Variants in GRIK1 observed in about 807,000 individuals in gnomAD.
GRIK1 encodes glutamate receptor ionotropic, kainate 1.
A neutral mutation model predicts 105.7 loss-of-function variants in GRIK1; 69 were observed. The observed-to-expected ratio is 0.65, with a 90% CI of 0.54 to 0.80. GRIK1 has a LOEUF of 0.80. Ranked by LOEUF, GRIK1 falls within the 30% of genes least tolerant of loss-of-function variation. The pLI, the probability that GRIK1 is intolerant of heterozygous loss-of-function variation, is 0.00. For missense variants in GRIK1, 1,109 were observed against 1,167.3 expected (o/e 0.95, Z 0.73); for synonymous variants, 438 against 431.3 (o/e 1.02, Z -0.19).
At chr21:29,930,887 T>A (rs1029979274) in intron 1 of GRIK1, among the ~76,000 whole-genome samples, 1 of 152,230 alleles carries the variant, frequency 6.6e-6, no homozygotes, top group African/African-American at 2.4e-5. Context: ...GAACGAGACT[T>A]TTTCCTTTTT....
At chr21:29,929,812 C>T (rs1346448282) in intron 1 of GRIK1, among the ~76,000 whole-genome samples, 4 of 152,174 alleles carry the variant, frequency 2.6e-5, no homozygotes, top group Non-Finnish European at 4.4e-5. Flanking sequence ...AATCACACTT[C>T]TAGGTATATA....
At chr21:29,747,580 C>T (rs1288868551) in intron 1 of GRIK1, among the ~76,000 whole-genome samples, 5 of 152,152 alleles carry the variant, frequency 3.3e-5, no homozygotes, top group African/African-American at 1.2e-4. Context: ...CCTATAATCC[C>T]AGCACTTTGG....
chr21:29,555,140 A>G lies in GRIK1; in HGVS notation c.2519T>C (p.Ile840Thr). The change falls in exon 16 of 18, where the codon ATT becomes ACT. Residue 840 changes from isoleucine to threonine, a missense_variant. Coordinates refer to ENST00000327783, the MANE Select transcript of GRIK1 (RefSeq NM_001330994.2). Reference protein sequence around the residue: ...LGVENIGGIFIVLAAGLVLSV... With the variant: ...LGVENIGGIFTVLAAGLVLSV... ...AAGGACCAGTCCGGCAGCCAGAACA[A>G]TGAAGATGCCTCCAATATTTTCCAC... The G allele has an allele frequency of 6.2e-7, 1 of 1,613,876 alleles. No individual in the cohort carries two copies. The highest frequency in any genetic ancestry group is 8.5e-7 in the Non-Finnish European group (1 of 1,179,786).
chr21:29,873,688 A>G (rs1037999289), intron 1 of GRIK1, among the ~76,000 whole-genome samples: 1 of 152,176 alleles, frequency 6.6e-6, no homozygotes, highest in African/African-American at 2.4e-5. Flanking sequence ...GAAAATATTG[A>G]TCTAGTTTAT....
At chr21:29,807,574 A>G (rs1045739847) in intron 1 of GRIK1, among the ~76,000 whole-genome samples, 5 of 152,098 alleles carry the variant, frequency 3.3e-5, no homozygotes, top group Admixed American at 6.6e-5. Flanking sequence ...TTATTCTAAG[A>G]TAGAGGATCT....
chr21:29,631,984 GA>G (rs35815638), intron 7 of GRIK1, among the ~76,000 whole-genome samples: 43 of 147,824 alleles, frequency 2.9e-4, no homozygotes, highest in Non-Finnish European at 4.2e-4. Flanking sequence ...GAATGTGCAG[GA>G]AAAAAAAAAG....
chr21:29,559,603 T>G (rs1290402240), intron 15 of GRIK1, among the ~76,000 whole-genome samples: 3 of 152,206 alleles, frequency 2.0e-5, no homozygotes, highest in Non-Finnish European at 2.9e-5. Context: ...TAAAGTTAAT[T>G]TCTCCATAGC....
At chr21:29,709,580 T>C (rs1012111984) in intron 1 of GRIK1, among the ~76,000 whole-genome samples, 9 of 152,114 alleles carry the variant, frequency 5.9e-5, no homozygotes, top group African/African-American at 2.2e-4. Flanking sequence ...AACTTATAAA[T>C]ATATGGGGAA....
At chr21:29,698,438 G>A (rs1444343096) in intron 1 of GRIK1, among the ~76,000 whole-genome samples, 1 of 152,162 alleles carries the variant, frequency 6.6e-6, no homozygotes, top group Non-Finnish European at 1.5e-5. Context: ...TGAGAGCTCA[G>A]GATGAAGAAC....
At chr21:29,564,941 T>C (rs752267980) in intron 14 of GRIK1, among the ~76,000 whole-genome samples, 1 of 152,246 alleles carries the variant, frequency 6.6e-6, no homozygotes, top group Non-Finnish European at 1.5e-5. Context: ...CATGGCTCTA[T>C]GGAACAGAGA....
At chr21:29,599,319 T>C (rs905294391) in intron 7 of GRIK1, among the ~76,000 whole-genome samples, 4 of 152,230 alleles carry the variant, frequency 2.6e-5, no homozygotes, top group African/African-American at 9.6e-5. Flanking sequence ...TCCCTGCTTT[T>C]TCTTTCTCTG....
chr21:29,591,264 A>G (rs1223372055), intron 9 of GRIK1, 39 bp from the exon 10 acceptor site: 2 of 1,206,772 alleles, frequency 1.7e-6, no homozygotes, highest in Admixed American at 3.4e-5. Context: ...GCTGGCTGTC[A>G]GTGTGGCATT....
At chr21:29,614,143 C>G (rs363443) in intron 7 of GRIK1, among the ~76,000 whole-genome samples, 1 of 151,810 alleles carries the variant, frequency 6.6e-6, no homozygotes. Flanking sequence ...GATAGATTCC[C>G]TGGCACAACC....
At chr21:29,705,486 GA>G (rs1209651324) in intron 1 of GRIK1, among the ~76,000 whole-genome samples, 1 of 152,186 alleles carries the variant, frequency 6.6e-6, no homozygotes, top group Non-Finnish European at 1.5e-5. Context: ...ACATGCAGTG[GA>G]ATTGTTGTCT....
chr21:29,688,759 AG>A (rs2063531290), intron 3 of GRIK1, among the ~76,000 whole-genome samples: 1 of 152,282 alleles, frequency 6.6e-6, no homozygotes, highest in Admixed American at 6.5e-5. Context: ...GAGAGCTTTA[AG>A]GAAGAGGGAA....
chr21:29,603,471 A>G (rs879294341), intron 7 of GRIK1, among the ~76,000 whole-genome samples: 1 of 152,170 alleles, frequency 6.6e-6, no homozygotes, highest in Non-Finnish European at 1.5e-5. Flanking sequence ...AGTAACACCT[A>G]TTGCCACACC....
chr21:29,802,124 CT>C (rs1282405042), intron 1 of GRIK1, among the ~76,000 whole-genome samples: 1 of 152,180 alleles, frequency 6.6e-6, no homozygotes, highest in African/African-American at 2.4e-5. Flanking sequence ...ATGGAAGGCA[CT>C]AGAAGGTGCC....
chr21:29,595,113 T>C (rs994060490), intron 9 of GRIK1, among the ~76,000 whole-genome samples: 3 of 152,204 alleles, frequency 2.0e-5, no homozygotes, highest in Admixed American at 2.0e-4. Context: ...CAACTTACAA[T>C]GTGGAACATG....
chr21:29,892,216 C>G (rs1014521893), intron 1 of GRIK1, among the ~76,000 whole-genome samples: 1 of 152,082 alleles, frequency 6.6e-6, no homozygotes, highest in Non-Finnish European at 1.5e-5. Flanking sequence ...CTAGAAATAC[C>G]AAAGTCTGGA....
Sources: gnomAD v4.1 joint callset for allele counts (sites outside exome capture counted in the v4.1 genomes callset) on GRCh38, gnomAD v4.1.1 for gene constraint, MANE v1.5 for transcripts, NCBI Gene and HGNC (gene_info 2026-07-23, HGNC 2026-07-21) for gene names.